DNAAF9: variants seen among roughly 807,000 people sequenced by gnomAD.
DNAAF9 encodes shulin.
DNAAF9 carries 90 observed loss-of-function variants against 167.0 expected under a neutral mutation model. The ratio of observed to expected loss-of-function variants is 0.54; its 90% CI spans 0.45 to 0.64. DNAAF9 has a LOEUF of 0.64. Among genes scored for constraint, DNAAF9 ranks in the 30% least tolerant of loss-of-function variants. The pLI, the probability that DNAAF9 is intolerant of heterozygous loss-of-function variation, is 0.00. For missense variants in DNAAF9, 1,315 were observed against 1,442.2 expected (o/e 0.91, Z 1.43); for synonymous variants, 491 against 508.8 (o/e 0.96, Z 0.47).
At chr20:3,260,706 TG>T (rs2068370329) in intron 31 of DNAAF9, among the ~76,000 whole-genome samples, 1 of 152,098 alleles carries the variant, frequency 6.6e-6, no homozygotes, top group Admixed American at 6.5e-5. Flanking sequence ...CTTGGCTCCC[TG>T]CTATCTCCGC....
chr20:3,375,079 C>A lies in DNAAF9; in HGVS notation c.456G>T (p.Val152=). ...TTCTACTACAGTCTCGAACCATGTC[C>A]ACAAAGCTGGTAATTTTAAATTCTT... ...AAEEFKITSF[V]DMVRDCSRIG... Residue 152 remains valine (V), a synonymous_variant, in exon 5 of 37, where the codon GTG becomes GTT. Transcript: ENST00000252032. 1 of 1,612,544 alleles carries A rather than the reference C, an allele frequency of 6.2e-7. No individual in the cohort carries two copies. Among genetic ancestry groups the A allele is most frequent in the Non-Finnish European group, 8.5e-7 (1 of 1,178,608 alleles).
Position 3,396,282 on chromosome 20 carries a change from C to CT in DNAAF9, c.83+11192dup, listed in dbSNP as rs549888822. On this transcript the variant is annotated intron_variant, in intron 1 of 36. Transcript: ENST00000252032. ...TAGTTCTAACAGTTTTGTCTATTGT[C>CT]TTAAGTTTTCCAGTTAGTAAATCAA... 1.9e-3 allele frequency among the ~76,000 whole-genome samples: 284 copies of CT among 152,334 alleles called. 1 individual carries two copies. The highest frequency in any genetic ancestry group is 3.0e-3 in the Non-Finnish European group (206 of 68,024).
At chr20:3,345,934 A>C (rs1184573007) in intron 8 of DNAAF9, among the ~76,000 whole-genome samples, 8 of 151,146 alleles carry the variant, frequency 5.3e-5, no homozygotes, top group Non-Finnish European at 8.9e-5. Flanking sequence ...ACTCCATCCC[A>C]AAAAAAAAGC....
rs1355432418 is a variant in DNAAF9 at position 3,294,546 on chromosome 20, T to C, written c.2102A>G (p.Lys701Arg). 3.1e-6 allele frequency: 5 copies of C among 1,611,850 alleles called. No homozygotes were observed. The highest frequency in any genetic ancestry group is 2.2e-5 in the South Asian group (2 of 91,040). ...KRSSLKLLSA[K>R]LPELDWFLQH... Reference sequence around the variant, plus strand: ...AGCTTACCAGTCCAGCTCTGGGAGTTTGGCTGAGAGTAACTTTAGGGAACT... The same window carrying C: ...AGCTTACCAGTCCAGCTCTGGGAGTCTGGCTGAGAGTAACTTTAGGGAACT... The change falls in exon 24 of 37, where the codon AAA (lysine) becomes AGA (arginine). Residue 701 changes from lysine to arginine, a missense_variant. Lys to Arg is a conservative substitution (Grantham distance 26). Transcript: ENST00000252032.
intron 20 of DNAAF9, 90 bp from the exon 21 acceptor site, chr20:3,304,633 G>C: frequency 1.4e-6 from 1 of 698,824 alleles, no homozygotes; most frequent in Non-Finnish European, 2.6e-6. Context: ...GTGGTAACTA[G>C]AGGCCAGTAT....
intron 20 of DNAAF9, among the ~76,000 whole-genome samples, chr20:3,304,991 G>A (rs2069265015): frequency 1.3e-5 from 2 of 152,314 alleles, no homozygotes; most frequent in South Asian, 4.1e-4. Context: ...GCTGAAGACT[G>A]GTGAAGGGAG....
intron 12 of DNAAF9, 149 bp from the exon 13 acceptor site, chr20:3,326,433 T>C (rs921607059): frequency 3.2e-6 from 2 of 616,418 alleles, no homozygotes; most frequent in Non-Finnish European, 2.9e-6. Context: ...CTAAACCTTT[T>C]AAAAGTCACA....
chr20:3,275,902 A>G (rs1257813075), intron 29 of DNAAF9, among the ~76,000 whole-genome samples: 1 of 152,212 alleles, frequency 6.6e-6, no homozygotes, highest in African/African-American at 2.4e-5. Flanking sequence ...AGCCCAGCAG[A>G]AAACAAAGGT....
chr20:3,298,180 A>G lies in DNAAF9; in HGVS notation c.1783-5T>C. The G allele has an allele frequency of 6.2e-7, 1 of 1,610,874 alleles. No homozygotes were observed. Among genetic ancestry groups the G allele is most frequent in the Non-Finnish European group, 8.5e-7 (1 of 1,178,370 alleles). On this transcript the variant is annotated splice_region_variant and splice_polypyrimidine_tract_variant and intron_variant, in intron 21 of 36. Transcript: ENST00000252032. ...AGCAACAGTACTGGTGGAATCCTAA[A>G]GCGAAAAGGAGGGAGCATCAGCAAG... is the stretch of plus-strand genomic sequence containing the variant.
Position 3,253,833 on chromosome 20 carries a change from G to C in DNAAF9, c.3328-14C>G, listed in dbSNP as rs75106210. ...GTGGCGTTTTACCTGTAGGAGAAAA[G>C]AGACCTGTAATAATTATCTGACTAC... is the stretch of plus-strand genomic sequence containing the variant. On this transcript the variant is annotated splice_polypyrimidine_tract_variant and intron_variant, in intron 35 of 36. Transcript: ENST00000252032. 1.4e-6 allele frequency: 2 copies of C among 1,396,942 alleles called. No individual in the cohort carries two copies. The highest frequency in any genetic ancestry group is 2.8e-5 in the African/African-American group (2 of 70,808). 86.5% of individuals were successfully genotyped at this position (1,396,942 alleles called of 1,614,324 possible).
chr20:3,326,290 A>G lies in DNAAF9; in HGVS notation c.1101-6T>C. The G allele has an allele frequency of 6.3e-7, 1 of 1,598,240 alleles. No individual in the cohort carries two copies. The highest frequency in any genetic ancestry group is 1.1e-5 in the South Asian group (1 of 90,094). On this transcript the variant is annotated splice_region_variant and splice_polypyrimidine_tract_variant and intron_variant, in intron 12 of 36. Transcript: ENST00000252032. ...ATATCTGGGACAATAGCCTACTTTA[A>G]AAACAAAAAATAATGGTTAACATTA...
Position 3,288,224 on chromosome 20 carries a change from C to T in DNAAF9, c.2328-434G>A, listed in dbSNP as rs554385555. ...CAGCACTTTGGGAGGCCGAGGCGGGCGGATCACCTGAAGTCGGGAGGTTCA... is the reference window on the plus strand; with the variant it reads ...CAGCACTTTGGGAGGCCGAGGCGGGTGGATCACCTGAAGTCGGGAGGTTCA... On this transcript the variant is annotated intron_variant, in intron 26 of 36. Transcript: ENST00000252032. 5.3e-5 allele frequency among the ~76,000 whole-genome samples: 8 copies of T among 152,238 alleles called. No individual in the cohort carries two copies. The East Asian group carries it at 7.7e-4, about 15-fold the overall frequency.
chr20:3,295,153 G>C (rs1367582862), intron 23 of DNAAF9, among the ~76,000 whole-genome samples: 1 of 131,008 alleles, frequency 7.6e-6, no homozygotes, highest in Admixed American at 7.7e-5. Flanking sequence ...ACAGGCATGA[G>C]CCACCGCACC....
chr20:3,334,634 T>C (rs1281153203), intron 10 of DNAAF9, among the ~76,000 whole-genome samples: 1 of 152,254 alleles, frequency 6.6e-6, no homozygotes, highest in Non-Finnish European at 1.5e-5. Flanking sequence ...CCAAACTGTC[T>C]TCCAAAGTGA....
At chr20:3,316,629 T>C in intron 18 of DNAAF9, 94 bp downstream of exon 18, 1 of 822,772 alleles carries the variant, frequency 1.2e-6, no homozygotes, top group Non-Finnish European at 2.1e-6. Flanking sequence ...GGACCTGACA[T>C]CCCACCAGGG....
At chr20:3,321,244 C>T (rs1229391952) in intron 16 of DNAAF9, among the ~76,000 whole-genome samples, 2 of 152,184 alleles carry the variant, frequency 1.3e-5, no homozygotes, top group Non-Finnish European at 2.9e-5. Flanking sequence ...CTGAGAAATG[C>T]ATCATTAGCT....
intron 1 of DNAAF9, among the ~76,000 whole-genome samples, chr20:3,386,800 G>A (rs1312213964): frequency 1.3e-5 from 2 of 151,486 alleles, no homozygotes; most frequent in African/African-American, 4.8e-5. Flanking sequence ...ATGGGCAAAA[G>A]GTATAAAGAA....
intron 14 of DNAAF9, among the ~76,000 whole-genome samples, chr20:3,323,307 A>G: frequency 1.9e-5 from 2 of 104,584 alleles, no homozygotes; most frequent in Admixed American, 2.8e-4. Context: ...TTTGAGACAG[A>G]GTCTCATTCT....
chr20:3,348,442 T>C, intron 8 of DNAAF9, 83 bp downstream of exon 8: 1 of 736,280 alleles, frequency 1.4e-6, no homozygotes, highest in East Asian at 2.8e-5. Flanking sequence ...TAGTGTTGTA[T>C]TTTGAAAAAA....
Sources: allele counts gnomAD v4.1 joint callset (sites outside exome capture counted in the v4.1 genomes callset), GRCh38; gene constraint gnomAD v4.1.1; transcripts MANE v1.5; gene names NCBI Gene and HGNC (gene_info 2026-07-23, HGNC 2026-07-21).